Variants in PDE10A observed in about 807,000 individuals in gnomAD.
PDE10A encodes phosphodiesterase 10A, also known as cAMP and cAMP-inhibited cGMP 3',5'-cyclic phosphodiesterase 10A.
Under a neutral mutation model 97.7 loss-of-function variants are expected in PDE10A, and 39 were observed. That is an observed-to-expected ratio of 0.40 (90% CI 0.31 to 0.52). The LOEUF (loss-of-function observed/expected upper bound fraction) is 0.52, where lower values mean the gene tolerates loss of function less well. PDE10A is among the 20% of genes least tolerant of loss of function. The pLI is 0.56. For synonymous variants in PDE10A, 371 were observed against 376.8 expected, an observed-to-expected ratio of 0.98 and a Z score of 0.18; for missense variants, 731 against 1,047.8, an observed-to-expected ratio of 0.70 and a Z score of 4.17.
intron 2 of PDE10A, among the ~76,000 whole-genome samples, chr6:165,534,578 T>C (rs1782966290): frequency 6.6e-6 from 1 of 152,018 alleles, no homozygotes; most frequent in Non-Finnish European, 1.5e-5. Context: ...AATTCTGTAA[T>C]ACATTAAAAA....
At chr6:165,742,495 A>T (rs1374852442) in intron 1 of PDE10A, among the ~76,000 whole-genome samples, 1 of 152,062 alleles carries the variant, frequency 6.6e-6, no homozygotes, top group African/African-American at 2.4e-5. Flanking sequence ...CCAAACCCCC[A>T]CTGCCCCATT....
At chr6:165,514,935 G>A (rs550742063) in intron 2 of PDE10A, among the ~76,000 whole-genome samples, 1 of 152,226 alleles carries the variant, frequency 6.6e-6, no homozygotes, top group Admixed American at 6.5e-5. Flanking sequence ...ATTGCCTTTT[G>A]GGGAGAGGAT....
intron 1 of PDE10A, among the ~76,000 whole-genome samples, chr6:165,689,912 A>C (rs770292459): frequency 3.0e-4 from 45 of 152,212 alleles, no homozygotes; most frequent in Non-Finnish European, 4.4e-4. Flanking sequence ...GGGTGAGTAC[A>C]ATGTGAGCAC....
intron 1 of PDE10A, among the ~76,000 whole-genome samples, chr6:165,616,223 G>A (rs1182421300): frequency 2.6e-5 from 4 of 152,064 alleles, no homozygotes; most frequent in East Asian, 3.9e-4. Context: ...ATCTCCTTTC[G>A]TACCCAGAAT....
At chr6:165,393,137 C>G (rs888912815) in intron 15 of PDE10A, among the ~76,000 whole-genome samples, 26 of 152,148 alleles carry the variant, frequency 1.7e-4, no homozygotes, top group Non-Finnish European at 1.5e-5. Flanking sequence ...CCCCACAGTG[C>G]TCAAAAGACA....
chr6:165,926,847 A>G (rs1782949469), intron 1 of PDE10A, among the ~76,000 whole-genome samples: 1 of 152,256 alleles, frequency 6.6e-6, no homozygotes, highest in Non-Finnish European at 1.5e-5. Flanking sequence ...AAAGGATTTC[A>G]TTTTCTAATG....
At chr6:165,823,912 T>C (rs1244333517) in intron 1 of PDE10A, among the ~76,000 whole-genome samples, 1 of 152,228 alleles carries the variant, frequency 6.6e-6, no homozygotes, top group Non-Finnish European at 1.5e-5. Context: ...GCTTTAAGTA[T>C]GTATGCATTT....
chr6:165,371,733 C>T (rs1784264331), intron 18 of PDE10A, among the ~76,000 whole-genome samples: 1 of 151,752 alleles, frequency 6.6e-6, no homozygotes, highest in Admixed American at 6.6e-5. Flanking sequence ...TTTATGAGGC[C>T]AGCATCATCC....
chr6:165,488,799 T>C (rs1398089514), intron 2 of PDE10A, among the ~76,000 whole-genome samples: 1 of 152,162 alleles, frequency 6.6e-6, no homozygotes, highest in Non-Finnish European at 1.5e-5. Flanking sequence ...GTGAGGCCTG[T>C]GGCTGCCGGC....
intron 1 of PDE10A, among the ~76,000 whole-genome samples, chr6:165,647,362 G>A (rs1052035645): frequency 6.6e-6 from 1 of 152,192 alleles, no homozygotes; most frequent in African/African-American, 2.4e-5. Flanking sequence ...CAACAGCATC[G>A]TTCTGCTTTT....
At chr6:165,376,047 G>A (rs1225430557) in intron 18 of PDE10A, among the ~76,000 whole-genome samples, 6 of 152,190 alleles carry the variant, frequency 3.9e-5, no homozygotes, top group African/African-American at 1.4e-4. Flanking sequence ...CATCTATTCT[G>A]TAGCTAATGG....
intron 3 of PDE10A, among the ~76,000 whole-genome samples, chr6:165,460,991 C>T (rs968816445): frequency 9.9e-5 from 15 of 152,136 alleles, no homozygotes; most frequent in African/African-American, 3.6e-4. Context: ...AAATGGTTAA[C>T]AGATAAGCCA....
chr6:165,973,370 A>T lies in PDE10A; in HGVS notation c.-615+14159T>A, dbSNP rs1235627198. 5.3e-5 allele frequency among the ~76,000 whole-genome samples: 8 copies of T among 152,086 alleles called. No individual in the cohort carries two copies. The East Asian group carries it at 1.5e-3, about 29-fold the overall frequency. On this transcript the variant is annotated intron_variant, in intron 1 of 19. Transcript: ENST00000366882. ...GGAGGTGGCAGTGAGCCAAGACCGC[A>T]TCATTGCACTCCAGCCTGAGTGAAA...
At chr6:165,648,762 T>G (rs1562657427) in intron 1 of PDE10A, among the ~76,000 whole-genome samples, 1 of 151,872 alleles carries the variant, frequency 6.6e-6, no homozygotes. Flanking sequence ...CAATACAGAG[T>G]GCCAAAACTC....
chr6:165,448,669 C>T (rs1163390172), intron 5 of PDE10A, among the ~76,000 whole-genome samples: 1 of 151,198 alleles, frequency 6.6e-6, no homozygotes, highest in African/African-American at 2.4e-5. Flanking sequence ...TCTAGAAATG[C>T]CATTTATAAC....
intron 1 of PDE10A, among the ~76,000 whole-genome samples, chr6:165,961,143 C>T (rs765371178): frequency 1.3e-5 from 2 of 152,056 alleles, no homozygotes; most frequent in Non-Finnish European, 2.9e-5. Flanking sequence ...GGGGACCTTG[C>T]TGTGGATGCA....
chr6:165,793,491 C>T (rs1583098586), intron 1 of PDE10A, among the ~76,000 whole-genome samples: 1 of 152,126 alleles, frequency 6.6e-6, no homozygotes, highest in South Asian at 2.1e-4. Flanking sequence ...GGCTGGGGGG[C>T]GTGGGGTGCA....
rs376082564 is a variant in PDE10A at position 165,504,080 on chromosome 6, G to A, written c.995-21737C>T. Among the ~76,000 whole-genome samples, 57 of 152,138 alleles carry A rather than the reference G, an allele frequency of 3.7e-4. 1 individual carries two copies. In the South Asian group the frequency reaches 0.011, roughly 29 times the overall value. ...AGGCTGTATAATTCAAAAGCACTGC[G>A]ACTTATGGCTCTGTGAAAATCCATA... On this transcript the variant is annotated intron_variant, in intron 2 of 21. Transcript: ENST00000539869.
At chr6:165,850,298 A>G (rs1161012019) in intron 1 of PDE10A, among the ~76,000 whole-genome samples, 1 of 152,230 alleles carries the variant, frequency 6.6e-6, no homozygotes, top group East Asian at 1.9e-4. Context: ...AAAGAGGCAA[A>G]TAACGTCTTG....
Sources: gnomAD v4.1 joint callset for allele counts (sites outside exome capture counted in the v4.1 genomes callset) on GRCh38, gnomAD v4.1.1 for gene constraint, MANE v1.5 for transcripts, NCBI Gene and HGNC (gene_info 2026-07-23, HGNC 2026-07-21) for gene names.